HIVEP2: variants seen among roughly 807,000 people sequenced by gnomAD.
HIVEP2 encodes transcription factor HIVEP2.
A neutral mutation model predicts 180.7 loss-of-function variants in HIVEP2; 14 were observed. The ratio of observed to expected loss-of-function variants is 0.08; its 90% confidence interval spans 0.05 to 0.12. HIVEP2 has a LOEUF of 0.12. HIVEP2 is among the 10% of genes least tolerant of loss of function. The probability of loss-of-function intolerance (pLI) is 1.00; values close to 1 mark genes in which losing one functional copy is unlikely to be tolerated. For missense variants in HIVEP2, 2,579 were observed against 3,008.5 expected, an observed-to-expected ratio of 0.86 and a Z score of 3.34; for synonymous variants, 1,184 against 1,136.4, an observed-to-expected ratio of 1.04 and a Z score of -0.84.
intron 9 of HIVEP2, among the ~76,000 whole-genome samples, chr6:142,754,331 T>G (rs1204358556): frequency 1.3e-5 from 2 of 152,126 alleles, no homozygotes; most frequent in South Asian, 4.1e-4. Context: ...TTTTTTTAAT[T>G]CAAAAGGAAA....
intron 1 of HIVEP2, among the ~76,000 whole-genome samples, chr6:142,852,918 T>C (rs551118504): frequency 6.6e-6 from 1 of 152,234 alleles, no homozygotes; most frequent in Non-Finnish European, 1.5e-5. Flanking sequence ...TTGATATAAA[T>C]ATTTGTCATT....
chr6:142,878,235 T>C (rs978146988), intron 1 of HIVEP2, among the ~76,000 whole-genome samples: 1 of 152,010 alleles, frequency 6.6e-6, no homozygotes, highest in African/African-American at 2.4e-5. Context: ...GGAAACAGAG[T>C]GTACTCTAAA....
At chr6:142,833,554 C>A (rs1775148841) in intron 2 of HIVEP2, among the ~76,000 whole-genome samples, 1 of 152,164 alleles carries the variant, frequency 6.6e-6, no homozygotes, top group Admixed American at 6.5e-5. Context: ...TTTGCTCATA[C>A]TACTGGTTTA....
chr6:142,827,033 T>A (rs542315800), intron 2 of HIVEP2, among the ~76,000 whole-genome samples: 1 of 152,332 alleles, frequency 6.6e-6, no homozygotes, highest in South Asian at 2.1e-4. Context: ...TGTACTTTTG[T>A]GCCTTTGTGG....
At chr6:142,876,846 A>T (rs1042636284) in intron 1 of HIVEP2, among the ~76,000 whole-genome samples, 1 of 131,028 alleles carries the variant, frequency 7.6e-6, no homozygotes, top group African/African-American at 3.0e-5. Context: ...AACGTGGCCA[A>T]ATCCCATCTT....
At chr6:142,937,508 C>T (rs1778084848) in intron 1 of HIVEP2, among the ~76,000 whole-genome samples, 1 of 152,238 alleles carries the variant, frequency 6.6e-6, no homozygotes, top group African/African-American at 2.4e-5. Flanking sequence ...CAAATTCCCC[C>T]AGGTGGTGGT....
At chr6:142,887,879 T>G (rs2128419746) in intron 1 of HIVEP2, among the ~76,000 whole-genome samples, 1 of 151,664 alleles carries the variant, frequency 6.6e-6, no homozygotes, top group South Asian at 2.1e-4. Flanking sequence ...AATCACCTGG[T>G]CACTAAATTT....
intron 1 of HIVEP2, among the ~76,000 whole-genome samples, chr6:142,849,762 G>C (rs975168225): frequency 4.6e-5 from 7 of 152,056 alleles, no homozygotes; most frequent in Admixed American, 4.6e-4. Flanking sequence ...CAAGTGATCT[G>C]ATTGCCTTGG....
rs148772034 is a variant in HIVEP2 at position 142,914,005 on chromosome 6, T to C, written c.-641+31094A>G. ...GAAATATTATCAGGCTCTCAGTATA[T>C]GAAAAAAAAAAAAGTGCCTGAGATG... On this transcript the variant is annotated intron_variant, in intron 1 of 9. Transcript: ENST00000367603. 5.0e-3 allele frequency among the ~76,000 whole-genome samples: 752 copies of C among 149,924 alleles called. 6 individuals are homozygous for C. The highest frequency in any genetic ancestry group is 0.017 in the African/African-American group (698 of 40,456).
chr6:142,769,646 T>A lies in HIVEP2; in HGVS notation c.5093A>T (p.Gln1698Leu), dbSNP rs778997090. The change falls in exon 5 of 10, where the codon CAA becomes CTA. Residue 1698 changes from glutamine to leucine, a missense_variant. Physicochemically the swap from Gln to Leu is moderately radical, Grantham distance 113. Coordinates refer to ENST00000367603, the MANE Select transcript of HIVEP2 (RefSeq NM_006734.4). Reference protein sequence around the residue: ...KTTLALLRSKQKITAEIYTLA... With the variant: ...KTTLALLRSKLKITAEIYTLA... ...AGTATAAATTTCTGCAGTGATTTTT[T>A]GCTTGGACCTCAGAAGAGCCAGCGT... 1 of 1,614,222 alleles carries A rather than the reference T, an allele frequency of 6.2e-7. No homozygotes were observed. Among genetic ancestry groups the A allele is most frequent in the South Asian group, 1.1e-5 (1 of 91,086 alleles).
intron 1 of HIVEP2, among the ~76,000 whole-genome samples, chr6:142,890,557 C>A (rs763830742): frequency 3.9e-5 from 6 of 152,154 alleles, no homozygotes; most frequent in Non-Finnish European, 8.8e-5. Context: ...GTGGCAAGTG[C>A]ACAGGATCTG....
intron 1 of HIVEP2, among the ~76,000 whole-genome samples, chr6:142,849,811 G>T (rs1441003563): frequency 6.6e-6 from 1 of 152,074 alleles, no homozygotes; most frequent in Non-Finnish European, 1.5e-5. Context: ...GAGCCACCAC[G>T]CCTGGCCTAG....
intron 2 of HIVEP2, among the ~76,000 whole-genome samples, chr6:142,803,028 A>G (rs1360973172): frequency 6.6e-6 from 1 of 152,204 alleles, no homozygotes; most frequent in African/African-American, 2.4e-5. Context: ...CACTAAGTAC[A>G]GCAAGAATGA....
intron 2 of HIVEP2, among the ~76,000 whole-genome samples, chr6:142,811,211 G>C (rs370615741): frequency 1.4e-5 from 2 of 141,476 alleles, no homozygotes; most frequent in East Asian, 2.0e-4. Flanking sequence ...GAGAGAGACA[G>C]AGAGAGAGAG....
intron 2 of HIVEP2, among the ~76,000 whole-genome samples, chr6:142,828,369 C>T (rs1774971339): frequency 6.6e-6 from 1 of 152,192 alleles, no homozygotes; most frequent in Admixed American, 6.5e-5. Flanking sequence ...ATGCCACTCT[C>T]TCGTGTTCTC....
In HIVEP2 at chr6:142,910,273, A is replaced by G. The variant is rs9390035; in HGVS notation, c.-641+34826T>C. On this transcript the variant is annotated intron_variant, in intron 1 of 9. Coordinates refer to ENST00000367603, the MANE Select transcript of HIVEP2 (RefSeq NM_006734.4). ...GATAATTTAAAGAAATGTTTTACCA[A>G]CAAAATTTCCCACTCTTCTCTCATT... Among the ~76,000 whole-genome samples, 1,307 of 152,336 alleles carry G rather than the reference A, an allele frequency of 8.6e-3. 85 individuals are homozygous for G. In the East Asian group the frequency reaches 0.17, roughly 20 times the overall value.
At chr6:142,811,183 A>G (rs369843539) in intron 2 of HIVEP2, among the ~76,000 whole-genome samples, 13 of 148,626 alleles carry the variant, frequency 8.7e-5, no homozygotes, top group South Asian at 2.2e-4. Flanking sequence ...AGGCACGTGC[A>G]TGTGTGTGTG....
intron 9 of HIVEP2, among the ~76,000 whole-genome samples, chr6:142,756,980 GTATA>G: frequency 6.6e-6 from 1 of 152,160 alleles, no homozygotes; most frequent in East Asian, 1.9e-4. Context: ...GTATATAGAT[GTATA>G]TATAGATGTC....
intron 1 of HIVEP2, among the ~76,000 whole-genome samples, chr6:142,905,766 G>C (rs1777245570): frequency 6.6e-6 from 1 of 152,138 alleles, no homozygotes; most frequent in Non-Finnish European, 1.5e-5. Flanking sequence ...CCCCCACCAT[G>C]GTCATGGTTT....
Sources: gnomAD v4.1 joint callset for allele counts (sites outside exome capture counted in the v4.1 genomes callset) on GRCh38, gnomAD v4.1.1 for gene constraint, MANE v1.5 for transcripts, NCBI Gene and HGNC (gene_info 2026-07-23, HGNC 2026-07-21) for gene names.